B4GALNT3: variants seen among roughly 807,000 people sequenced by gnomAD.
The protein encoded by B4GALNT3 is beta-1,4-N-acetyl-galactosaminyltransferase 3.
In B4GALNT3, 86 loss-of-function variants were observed where a neutral mutation model predicts 120.2. The observed-to-expected ratio is 0.72, with a 90% CI of 0.60 to 0.86. The LOEUF (loss-of-function observed/expected upper bound fraction) is 0.86, where lower values mean the gene tolerates loss of function less well. B4GALNT3 is among the 40% of genes least tolerant of loss of function. The pLI is 0.00. For missense variants in B4GALNT3, 1,167 were observed against 1,298.9 expected (o/e 0.90, Z 1.56); for synonymous variants, 518 against 510.4 (o/e 1.01, Z -0.20).
In B4GALNT3 at chr12:459,961, C is replaced by T. The variant is rs55927905; in HGVS notation, c.-416C>T. ...GCCAGGTTCCGCGAGCAGGAGAGCC[C>T]AGAGCCCGGAGCCCGGTCCGGGGCT... is the stretch of plus-strand genomic sequence containing the variant. On this transcript the variant is annotated 5_prime_UTR_variant, in exon 1 of 20. Transcript: ENST00000266383. Among the ~76,000 whole-genome samples the T allele has an allele frequency of 9.5e-3, 1,439 of 150,722 alleles. 9 individuals are homozygous for T. Among genetic ancestry groups the T allele is most frequent in the Admixed American group, 0.014 (210 of 15,136 alleles).
intron 1 of B4GALNT3, among the ~76,000 whole-genome samples, chr12:512,619 C>T (rs1162239419): frequency 4.7e-4 from 65 of 137,342 alleles, no homozygotes; most frequent in African/African-American, 1.1e-3. Flanking sequence ...TTCCACCTTC[C>T]GCCTTCCACC....
intron 1 of B4GALNT3, among the ~76,000 whole-genome samples, chr12:512,208 CCTTCCACCTTCCACCTT>C (rs1169129792): frequency 3.1e-4 from 34 of 109,330 alleles, no homozygotes; most frequent in Non-Finnish European, 4.8e-4. Context: ...CCACCTTCCA[CCTTCCACCTTCCACCTT>C]CTTCCACCTT....
chr12:539,675 G>A lies in B4GALNT3; in HGVS notation c.351+3380G>A, dbSNP rs1391327143. Among the ~76,000 whole-genome samples the A allele has an allele frequency of 3.9e-5, 6 of 152,288 alleles. 1 individual carries two copies. The highest frequency in any genetic ancestry group is 3.9e-4 in the Admixed American group (6 of 15,294). ...CACCTGTAATGCTAGCACTTTGGGA[G>A]GCCAAGATGAGAGGATCGCTTGAGG... On this transcript the variant is annotated intron_variant, in intron 3 of 19. Coordinates refer to ENST00000266383, the MANE Select transcript of B4GALNT3 (RefSeq NM_173593.4).
At chr12:561,204 C>T (rs1947227554) in intron 19 of B4GALNT3, 139 bp from the exon 20 acceptor site, 4 of 627,930 alleles carry the variant, frequency 6.4e-6, no homozygotes, top group Non-Finnish European at 8.4e-6. Context: ...GGCTGCCTGG[C>T]TTCAAAGCCC....
chr12:549,659 G>A lies in B4GALNT3; in HGVS notation c.854-110G>A, dbSNP rs1175801533. 3.5e-5 allele frequency: 49 copies of A among 1,380,994 alleles called. No homozygotes were observed. In the East Asian group the frequency reaches 9.7e-4, roughly 27 times the overall value. 85.5% of individuals were successfully genotyped at this position (1,380,994 alleles called of 1,614,324 possible). A position where few individuals can be genotyped will look rare whatever the true frequency, so the allele number is the denominator to read the frequency against. ...GTGGCTGCGCACATCCTACACCGTC[G>A]CCGCTGGAGTCAGGAGCCCCTTCTG... On this transcript the variant is annotated intron_variant, in intron 9 of 19. Transcript: ENST00000266383.
chr12:524,077 A>C (rs1205629501), intron 1 of B4GALNT3, among the ~76,000 whole-genome samples: 1 of 152,138 alleles, frequency 6.6e-6, no homozygotes, highest in Non-Finnish European at 1.5e-5. Context: ...AAAAACAAAA[A>C]AACACACATC....
intron 1 of B4GALNT3, among the ~76,000 whole-genome samples, chr12:477,466 A>T (rs1421674757): frequency 6.6e-6 from 1 of 152,158 alleles, no homozygotes; most frequent in Non-Finnish European, 1.5e-5. Context: ...ACCTGCAAAG[A>T]AGTTATTGTT....
intron 1 of B4GALNT3, among the ~76,000 whole-genome samples, chr12:480,431 G>GCC (rs71293142): frequency 0.35 from 50,884 of 146,448 alleles, 10,888 homozygotes; most frequent in Non-Finnish European, 0.46. Context: ...AGGCTTGACG[G>GCC]TGTGGTTCCT....
intron 1 of B4GALNT3, among the ~76,000 whole-genome samples, chr12:472,625 G>A (rs954770317): frequency 2.0e-5 from 3 of 152,168 alleles, no homozygotes; most frequent in Non-Finnish European, 4.4e-5. Flanking sequence ...TTTTAGTAGA[G>A]GCGGGGTCTC....
At chr12:546,866 G>T (rs754046271) in intron 7 of B4GALNT3, 153 bp downstream of exon 7, 1 of 712,212 alleles carries the variant, frequency 1.4e-6, no homozygotes, top group Admixed American at 2.6e-5. Context: ...CTCAGAAGCC[G>T]CGAGCCCATC....
intron 3 of B4GALNT3, among the ~76,000 whole-genome samples, chr12:538,128 C>A (rs1369189084): frequency 6.6e-6 from 1 of 152,180 alleles, no homozygotes; most frequent in African/African-American, 2.4e-5. Context: ...TCTTAATAAA[C>A]CAATTATTTT....
At chr12:499,329 G>T (rs778741998) in intron 1 of B4GALNT3, among the ~76,000 whole-genome samples, 5 of 152,274 alleles carry the variant, frequency 3.3e-5, no homozygotes, top group Non-Finnish European at 5.9e-5. Flanking sequence ...TGTGGTGCAA[G>T]GGGAGAGCCC....
intron 1 of B4GALNT3, among the ~76,000 whole-genome samples, chr12:512,246 CCTTCTTCCA>C (rs1946587141): frequency 1.7e-5 from 1 of 59,696 alleles, no homozygotes; most frequent in Non-Finnish European, 3.2e-5. Context: ...CCACCTTCCA[CCTTCTTCCA>C]CCTTCTTCCA....
At position 548,387 on chromosome 12, in the gene B4GALNT3, G is replaced by C; in HGVS notation, c.853+90G>C. On this transcript the variant is annotated intron_variant, in intron 9 of 19. Transcript: ENST00000266383. This position sits in a 1 kb window ranked among gnomAD's most constrained non-coding sequence, Gnocchi z 4.9. ...TTGGCAGGGGAGGAGGGGAGGAGGG[G>C]AGGAAGGAAGCTCGAGATGCTTGGG... 7.9e-7 allele frequency: 1 copy of C among 1,271,144 alleles called. No homozygotes were observed. Among genetic ancestry groups the C allele is most frequent in the Admixed American group, 1.8e-5 (1 of 55,902 alleles). 78.7% of individuals were successfully genotyped at this position (1,271,144 alleles called of 1,614,324 possible). A position where few individuals can be genotyped will look rare whatever the true frequency, so the allele number is the denominator to read the frequency against.
intron 3 of B4GALNT3, among the ~76,000 whole-genome samples, chr12:538,904 A>G (rs1565606078): frequency 6.6e-6 from 1 of 152,184 alleles, no homozygotes; most frequent in Non-Finnish European, 1.5e-5. Flanking sequence ...CCAGGTTAAT[A>G]ATACACATCG....
intron 1 of B4GALNT3, among the ~76,000 whole-genome samples, chr12:527,638 A>G (rs369820787): frequency 0.011 from 1,453 of 127,292 alleles, 22 homozygotes; most frequent in African/African-American, 0.046. Flanking sequence ...GCGGCTCCTC[A>G]CTTGCCCCCC....
chr12:530,886 G>C (rs993396168), intron 1 of B4GALNT3, among the ~76,000 whole-genome samples: 1 of 152,180 alleles, frequency 6.6e-6, no homozygotes, highest in Non-Finnish European at 1.5e-5. Context: ...CCAGCTTTGT[G>C]AGGGCAGAAT....
In B4GALNT3 at chr12:561,492, C is replaced by T. The variant is rs767127292; in HGVS notation, c.*41C>T. ...GGGGCCCAGCACTCCCCGCTCTGGA[C>T]TAGCAGTGGCTCCCCAGGGCCCTGC... On this transcript the variant is annotated 3_prime_UTR_variant, in exon 20 of 20. Coordinates refer to ENST00000266383, the MANE Select transcript of B4GALNT3 (RefSeq NM_173593.4). 2.0e-6 allele frequency: 3 copies of T among 1,467,040 alleles called. No individual in the cohort carries two copies. The highest frequency in any genetic ancestry group is 4.6e-5 in the East Asian group (2 of 43,310). The allele number at this position is 1,467,040 out of a possible 1,614,324, so 90.9% of individuals were successfully genotyped here. A position where few individuals can be genotyped will look rare whatever the true frequency, so the allele number is the denominator to read the frequency against.
chr12:517,933 G>A (rs1008171768), intron 1 of B4GALNT3, among the ~76,000 whole-genome samples: 1 of 152,184 alleles, frequency 6.6e-6, no homozygotes, highest in African/African-American at 2.4e-5. Context: ...GAAGAGTGAG[G>A]TCTTTGAAAC....
Sources: gnomAD v4.1 joint callset for allele counts (sites outside exome capture counted in the v4.1 genomes callset) on GRCh38, gnomAD v4.1.1 for gene constraint, Gnocchi (gnomAD v3.1) non-coding constraint, MANE v1.5 for transcripts, NCBI Gene and HGNC (gene_info 2026-07-23, HGNC 2026-07-21) for gene names.